GNAS: variants seen among roughly 807,000 people sequenced by gnomAD.
GNAS encodes the protein GNAS complex locus.
Under a neutral mutation model 54.5 loss-of-function variants are expected in GNAS, and 8 were observed. That is an observed-to-expected ratio of 0.15 (90% CI 0.09 to 0.26). The LOEUF (loss-of-function observed/expected upper bound fraction) is 0.26. GNAS is among the 10% of genes least tolerant of loss of function. The pLI, the probability that GNAS is intolerant of heterozygous loss-of-function variation, is 1.00. For synonymous variants in GNAS, 204 were observed against 191.4 expected (o/e 1.07, Z -0.54); for missense variants, 170 against 529.8 (o/e 0.32, Z 6.67).
chr20:58,841,776 A>T lies in GNAS; in HGVS notation c.43+890A>T. 8.1e-7 allele frequency: 1 copy of T among 1,230,298 alleles called. No individual in the cohort carries two copies. The highest frequency in any genetic ancestry group is 1.0e-6 in the Non-Finnish European group (1 of 987,582). 76.2% of individuals were successfully genotyped at this position (1,230,298 alleles called of 1,614,324 possible). A position where few individuals can be genotyped will look rare whatever the true frequency, so the allele number is the denominator to read the frequency against. On this transcript the variant is annotated intron_variant, in intron 1 of 12. Transcript: ENST00000306090. The surrounding 1 kb of genome is among the most constrained non-coding windows in gnomAD (Gnocchi z 5.0). ...CGGGGTATTGCCAAGCTTTTGGCGC[A>T]GCTGGTCGGGTGGCCAGGCTGCATG...
chr20:58,883,927 A>G (rs6015397), intron 1 of GNAS, among the ~76,000 whole-genome samples: 3 of 152,368 alleles, frequency 2.0e-5, no homozygotes, highest in African/African-American at 7.2e-5. Flanking sequence ...ACATTTTTCA[A>G]TTTCAACTAA....
chr20:58,902,049 A>AT (rs2090657667), intron 3 of GNAS, among the ~76,000 whole-genome samples: 21 of 151,168 alleles, frequency 1.4e-4, no homozygotes, highest in Admixed American at 4.6e-4. Context: ...AAGATTAAAA[A>AT]ATATATATAT....
At chr20:58,871,436 G>A (rs2087437941) in intron 1 of GNAS, among the ~76,000 whole-genome samples, 1 of 152,038 alleles carries the variant, frequency 6.6e-6, no homozygotes, top group South Asian at 2.1e-4. Flanking sequence ...CTAACATGGA[G>A]AAACATCATC....
At chr20:58,892,766 C>T (rs1010376662) in intron 1 of GNAS, among the ~76,000 whole-genome samples, 1 of 151,792 alleles carries the variant, frequency 6.6e-6, no homozygotes, top group Non-Finnish European at 1.5e-5. Context: ...CGAGAAGTGC[C>T]CAGTGAAGCC....
At chr20:58,846,286 G>A (rs775850349) in intron 1 of GNAS, among the ~76,000 whole-genome samples, 1 of 152,168 alleles carries the variant, frequency 6.6e-6, no homozygotes, top group Non-Finnish European at 1.5e-5. Flanking sequence ...TCAAGTATCT[G>A]GTGGCTAAGG....
chr20:58,868,050 T>A (rs2087170048), intron 1 of GNAS, among the ~76,000 whole-genome samples: 1 of 149,362 alleles, frequency 6.7e-6, no homozygotes, highest in Non-Finnish European at 1.5e-5. Context: ...AGATGGAGTC[T>A]TGCTCTGTCA....
intron 1 of GNAS, among the ~76,000 whole-genome samples, chr20:58,860,297 CTT>C (rs559476652): frequency 3.6e-4 from 49 of 137,640 alleles, no homozygotes; most frequent in Admixed American, 3.6e-4. Context: ...TACTGTTTTC[CTT>C]TTTTTTTTTT....
Position 58,909,640 on chromosome 20 carries a change from C to A in GNAS, c.719-44C>A, listed in dbSNP as rs371549092. 1 of 1,613,988 alleles carries A rather than the reference C, an allele frequency of 6.2e-7. No individual in the cohort carries two copies. The highest frequency in any genetic ancestry group is 1.3e-5 in the African/African-American group (1 of 74,902). On this transcript the variant is annotated intron_variant, in intron 9 of 12. Coordinates refer to ENST00000371085, the MANE Select transcript of GNAS (RefSeq NM_000516.7). This position sits in a 1 kb window ranked among gnomAD's most constrained non-coding sequence, Gnocchi z 7.3. Reference sequence around the variant, plus strand: ...GCTTTGCTTCTGTGTTGTTAGGGATCAGGGTCGCTGCTCACGCTCTTGGCT... The same window carrying A: ...GCTTTGCTTCTGTGTTGTTAGGGATAAGGGTCGCTGCTCACGCTCTTGGCT...
intron 1 of GNAS, chr20:58,848,735 T>C (rs2086038540): frequency 2.5e-6 from 1 of 393,720 alleles, no homozygotes; most frequent in African/African-American, 2.1e-5. Flanking sequence ...CACTAGCCGA[T>C]CACCCCCAGC....
chr20:58,855,104 G>C, intron 1 of GNAS: 2 of 1,613,664 alleles, frequency 1.2e-6, no homozygotes, highest in South Asian at 2.2e-5. Context: ...ACTTTCTCGT[G>C]CAAGCCTTCG....
At chr20:58,884,357 G>T (rs1199822656) in intron 1 of GNAS, 1 of 152,038 alleles carries the variant, frequency 6.6e-6, no homozygotes, top group Non-Finnish European at 1.5e-5. Context: ...TGAATACCAT[G>T]AAAAAAACCC....
At chr20:58,851,091 T>TAGAAA (rs2086153775) in intron 1 of GNAS, among the ~76,000 whole-genome samples, 2 of 152,196 alleles carry the variant, frequency 1.3e-5, no homozygotes, top group African/African-American at 4.8e-5. Context: ...TGCGTGGGTG[T>TAGAAA]AGTTGGCCAA....
At chr20:58,864,889 TG>T in intron 1 of GNAS, among the ~76,000 whole-genome samples, 1 of 151,966 alleles carries the variant, frequency 6.6e-6, no homozygotes, top group East Asian at 1.9e-4. Flanking sequence ...TCCTATGCAC[TG>T]TGGGATGTGT....
intron 1 of GNAS, among the ~76,000 whole-genome samples, chr20:58,843,620 G>A (rs539610947): frequency 6.6e-6 from 1 of 152,356 alleles, no homozygotes; most frequent in South Asian, 2.1e-4. Context: ...TGAATTACCA[G>A]CCACTTTTAA....
At position 58,903,594 on chromosome 20, in the gene GNAS, T is replaced by C; in HGVS notation, c.312+9T>C. 1.2e-6 allele frequency: 2 copies of C among 1,614,158 alleles called. No individual in the cohort carries two copies. The highest frequency in any genetic ancestry group is 8.5e-7 in the Non-Finnish European group (1 of 1,179,970). ...TGAAAGAGGCGATTGAAGTACGTGC[T>C]GGCTCCTTGTGCTGTCTGTCTTGTA... On this transcript the variant is annotated intron_variant, in intron 4 of 12. Transcript: ENST00000371085.
intron 1 of GNAS, among the ~76,000 whole-genome samples, chr20:58,879,901 A>G (rs1462390533): frequency 1.3e-5 from 2 of 152,236 alleles, no homozygotes; most frequent in Non-Finnish European, 2.9e-5. Flanking sequence ...CAATCCAGCC[A>G]GCAAAAAATA....
chr20:58,858,609 T>C (rs370836551), intron 1 of GNAS, among the ~76,000 whole-genome samples: 4 of 152,336 alleles, frequency 2.6e-5, no homozygotes, highest in East Asian at 1.9e-4. Context: ...CAGAGTTTCT[T>C]AGTATCTGCC....
upstream of GNAS, among the ~76,000 whole-genome samples, chr20:58,891,134 G>C (rs1412626786): frequency 6.7e-6 from 1 of 148,508 alleles, no homozygotes; most frequent in Non-Finnish European, 1.5e-5. Flanking sequence ...CCCGGGGGGT[G>C]GGGGGCGTCT....
At chr20:58,889,840 GGCCAGGCGCGAGCC>G (rs1381272098), upstream of GNAS, among the ~76,000 whole-genome samples, 1 of 151,458 alleles carries the variant, frequency 6.6e-6, no homozygotes, top group African/African-American at 2.4e-5. Context: ...AGGGAGCCCG[GGCCAGGCGCGAGCC>G]GAGCTCCCCG....
Sources: gnomAD v4.1 joint callset for allele counts (sites outside exome capture counted in the v4.1 genomes callset) on GRCh38, gnomAD v4.1.1 for gene constraint, Gnocchi (gnomAD v3.1) non-coding constraint, MANE v1.5 for transcripts, NCBI Gene and HGNC (gene_info 2026-07-23, HGNC 2026-07-21) for gene names.